Variants in PKIA observed in about 807,000 individuals in gnomAD.
PKIA encodes the protein cAMP-dependent protein kinase inhibitor alpha, also known as PKI-alpha.
In PKIA, 4 loss-of-function variants were observed where a neutral mutation model predicts 7.6. That is an observed-to-expected ratio of 0.52 (90% CI 0.26 to 1.20). PKIA has a LOEUF of 1.20. PKIA is among the 50% of genes most tolerant of loss of function. The probability of loss-of-function intolerance (pLI) is 0.13; values close to 1 mark genes in which losing one functional copy is unlikely to be tolerated. For missense variants in PKIA, 73 were observed against 86.2 expected, an observed-to-expected ratio of 0.85 and a Z score of 0.61; for synonymous variants, 21 against 30.7, an observed-to-expected ratio of 0.68 and a Z score of 1.04.
chr8:78,591,632 A>G (rs188822094), intron 2 of PKIA, among the ~76,000 whole-genome samples: 306 of 152,320 alleles, frequency 2.0e-3, no homozygotes, highest in Admixed American at 3.8e-3. Context: ...TAAATAGTTC[A>G]GTATTTAAAT....
intron 1 of PKIA, among the ~76,000 whole-genome samples, chr8:78,558,180 A>T (rs1386236385): frequency 6.6e-6 from 1 of 152,170 alleles, no homozygotes; most frequent in African/African-American, 2.4e-5. Flanking sequence ...AATTATTTAT[A>T]ATCTTTGCAG....
intron 1 of PKIA, among the ~76,000 whole-genome samples, chr8:78,543,011 T>C (rs1020831219): frequency 2.0e-5 from 3 of 152,114 alleles, no homozygotes; most frequent in African/African-American, 4.8e-5. Flanking sequence ...AGATGTGCCA[T>C]AGAATTAAAG....
At chr8:78,536,315 T>C (rs1252833890) in intron 1 of PKIA, among the ~76,000 whole-genome samples, 1 of 152,122 alleles carries the variant, frequency 6.6e-6, no homozygotes, top group East Asian at 1.9e-4. Context: ...AAAAATGATA[T>C]TGCAACAAAA....
chr8:78,526,494 G>C (rs1458102607), intron 1 of PKIA, among the ~76,000 whole-genome samples: 1 of 151,964 alleles, frequency 6.6e-6, no homozygotes, highest in Non-Finnish European at 1.5e-5. Context: ...ATATAAAATA[G>C]GAATGTCAAA....
At chr8:78,543,989 T>C (rs1806759132) in intron 1 of PKIA, among the ~76,000 whole-genome samples, 2 of 152,178 alleles carry the variant, frequency 1.3e-5, no homozygotes, top group South Asian at 4.1e-4. Flanking sequence ...GGGAAGTTTC[T>C]GATCTTTGTG....
intron 1 of PKIA, among the ~76,000 whole-genome samples, chr8:78,554,335 C>T (rs934195302): frequency 2.6e-5 from 4 of 151,902 alleles, no homozygotes; most frequent in Non-Finnish European, 2.9e-5. Context: ...CTCTTCCTTG[C>T]AAATACCACT....
intron 1 of PKIA, among the ~76,000 whole-genome samples, chr8:78,566,529 G>A (rs1406092795): frequency 1.3e-5 from 2 of 152,038 alleles, no homozygotes; most frequent in African/African-American, 4.8e-5. Flanking sequence ...ACAAATGCCA[G>A]TATCATTGGC....
At position 78,602,713 on chromosome 8, in the gene PKIA, A is replaced by ATATATATATATATT. The variant is rs1554584766; in HGVS notation, c.*893_*894insATATATATATATTT. ...CCACATAATATATATATATATATAT[A>ATATATATATATATT]TTTTAATTTATGAGAATTTTGGACA... On this transcript the variant is annotated 3_prime_UTR_variant, in exon 4 of 4. Coordinates refer to ENST00000396418, the MANE Select transcript of PKIA (RefSeq NM_006823.4). 5 of 147,894 alleles carry ATATATATATATATT rather than the reference A, an allele frequency of 3.4e-5. 1 individual carries two copies. Among genetic ancestry groups the ATATATATATATATT allele is most frequent in the African/African-American group, 1.3e-4 (5 of 39,958 alleles). The allele number at this position is 147,894 out of a possible 1,614,324, so 9.2% of individuals were successfully genotyped here.
At chr8:78,543,367 G>A (rs1806743495) in intron 1 of PKIA, among the ~76,000 whole-genome samples, 1 of 152,092 alleles carries the variant, frequency 6.6e-6, no homozygotes, top group East Asian at 1.9e-4. Context: ...CTGTATAAAT[G>A]CACACAATGT....
intron 1 of PKIA, among the ~76,000 whole-genome samples, chr8:78,526,370 C>A (rs1031883167): frequency 1.3e-5 from 2 of 152,042 alleles, no homozygotes; most frequent in African/African-American, 4.8e-5. Context: ...AGCAATCCTT[C>A]ACCTTATTTT....
At chr8:78,530,224 A>G (rs1217068131) in intron 1 of PKIA, among the ~76,000 whole-genome samples, 1 of 152,076 alleles carries the variant, frequency 6.6e-6, no homozygotes, top group Non-Finnish European at 1.5e-5. Flanking sequence ...CAGACAATGA[A>G]TTCAAAGTTC....
intron 1 of PKIA, among the ~76,000 whole-genome samples, chr8:78,542,993 T>C (rs1018134383): frequency 7.9e-5 from 12 of 152,126 alleles, no homozygotes; most frequent in African/African-American, 2.7e-4. Flanking sequence ...ACACAGGAAG[T>C]AGCATGAAGA....
At chr8:78,584,043 AT>A (rs1245493410) in intron 2 of PKIA, among the ~76,000 whole-genome samples, 1 of 152,134 alleles carries the variant, frequency 6.6e-6, no homozygotes, top group African/African-American at 2.4e-5. Flanking sequence ...TTAAAAATAT[AT>A]GTAAAACAGC....
intron 1 of PKIA, among the ~76,000 whole-genome samples, chr8:78,539,632 C>G (rs1015897381): frequency 6.6e-6 from 1 of 151,640 alleles, no homozygotes; most frequent in Admixed American, 6.6e-5. Flanking sequence ...GCTAAGAATG[C>G]TTTTTACATT....
intron 1 of PKIA, among the ~76,000 whole-genome samples, chr8:78,523,686 CA>C (rs1209792004): frequency 6.6e-6 from 1 of 151,414 alleles, no homozygotes; most frequent in African/African-American, 2.4e-5. Flanking sequence ...TTTCCATTTC[CA>C]AAATGTAATT....
At chr8:78,576,825 C>G (rs907033915) in intron 2 of PKIA, among the ~76,000 whole-genome samples, 8 of 151,976 alleles carry the variant, frequency 5.3e-5, no homozygotes, top group Non-Finnish European at 2.9e-5. Flanking sequence ...AATCACATTA[C>G]TGGTTTTATA....
chr8:78,516,482 C>T lies in PKIA; in HGVS notation c.-157+14C>T, dbSNP rs1040761549. On this transcript the variant is annotated intron_variant, in intron 1 of 3. Transcript: ENST00000396418. Reference sequence around the variant, plus strand: ...GGTCCGGGGAAGGTAAGCAGCCCGGCACCGGTGCGCCCTGGCCGCACTGCG... The same window carrying T: ...GGTCCGGGGAAGGTAAGCAGCCCGGTACCGGTGCGCCCTGGCCGCACTGCG... 1 of 152,344 alleles carries T rather than the reference C, an allele frequency of 6.6e-6. No homozygotes were observed. Among genetic ancestry groups the T allele is most frequent in the Admixed American group, 6.5e-5 (1 of 15,290 alleles). 9.4% of individuals were successfully genotyped at this position (152,344 alleles called of 1,614,324 possible).
intron 1 of PKIA, among the ~76,000 whole-genome samples, chr8:78,551,755 G>A (rs1806988785): frequency 6.6e-6 from 1 of 151,946 alleles, no homozygotes; most frequent in South Asian, 2.1e-4. Flanking sequence ...TTAAATTCTG[G>A]TTTGGATGGT....
At chr8:78,601,039 T>TTA (rs1808338932) in intron 3 of PKIA, among the ~76,000 whole-genome samples, 1 of 152,138 alleles carries the variant, frequency 6.6e-6, no homozygotes, top group African/African-American at 2.4e-5. Context: ...CAGCTTGCAC[T>TTA]TATATAAAGT....
Sources: allele counts gnomAD v4.1 joint callset (sites outside exome capture counted in the v4.1 genomes callset), GRCh38; gene constraint gnomAD v4.1.1; transcripts MANE v1.5; gene names NCBI Gene and HGNC (gene_info 2026-07-23, HGNC 2026-07-21).